GAPVD1: variants seen among roughly 807,000 people sequenced by gnomAD.
GAPVD1 encodes the protein GTPase-activating protein and VPS9 domain-containing protein 1.
In GAPVD1, 35 loss-of-function variants were observed where a neutral mutation model predicts 155.5. The ratio of observed to expected loss-of-function variants is 0.23; its 90% confidence interval spans 0.17 to 0.30. The LOEUF (loss-of-function observed/expected upper bound fraction) is 0.30, where lower values mean the gene tolerates loss of function less well. Ranked by LOEUF, GAPVD1 falls within the 10% of genes least tolerant of loss-of-function variation. The pLI is 1.00. For missense variants in GAPVD1, 1,429 were observed against 1,775.7 expected, an observed-to-expected ratio of 0.80 and a Z score of 3.51; for synonymous variants, 636 against 619.7, an observed-to-expected ratio of 1.03 and a Z score of -0.39.
chr9:125,288,780 T>C (rs75834725), intron 2 of GAPVD1, among the ~76,000 whole-genome samples: 2,836 of 152,310 alleles, frequency 0.019, 54 homozygotes, highest in Non-Finnish European at 0.026. Flanking sequence ...CAAAAATCTC[T>C]TTTCTTATGG....
rs1203342802 is a variant in GAPVD1 at position 125,366,056 on chromosome 9, C to T, written c.*3310C>T. 6.6e-6 allele frequency: 1 copy of T among 152,176 alleles called. No homozygotes were observed. The highest frequency in any genetic ancestry group is 1.5e-5 in the Non-Finnish European group (1 of 68,030). The allele number at this position is 152,176 out of a possible 1,614,324, so 9.4% of individuals were successfully genotyped here. A position where few individuals can be genotyped will look rare whatever the true frequency, so the allele number is the denominator to read the frequency against. On this transcript the variant is annotated 3_prime_UTR_variant, in exon 28 of 28. Transcript: ENST00000297933. The stretch of plus-strand genomic sequence containing the variant: ...TCTGCTTTTTCTTTATAAAAACCTG[C>T]TTATGAAGGCCTTCTGATACAGATA...
intron 5 of GAPVD1, among the ~76,000 whole-genome samples, chr9:125,303,590 A>G (rs1012430845): frequency 1.3e-5 from 2 of 151,966 alleles, no homozygotes; most frequent in African/African-American, 4.8e-5. Flanking sequence ...CAACCTGACC[A>G]ACATGGAGAA....
chr9:125,328,287 A>G (rs1440526900), intron 12 of GAPVD1, among the ~76,000 whole-genome samples: 1 of 136,906 alleles, frequency 7.3e-6, no homozygotes, highest in African/African-American at 2.8e-5. Context: ...AGTGGAGGGA[A>G]GGTCAGCAGA....
intron 9 of GAPVD1, among the ~76,000 whole-genome samples, chr9:125,317,639 AAAAG>A (rs1843653685): frequency 6.6e-6 from 1 of 151,300 alleles, no homozygotes; most frequent in East Asian, 1.9e-4. Context: ...AAAAAAAAAA[AAAAG>A]AAAAGAAAGA....
intron 2 of GAPVD1, among the ~76,000 whole-genome samples, chr9:125,272,813 A>G (rs1249359405): frequency 6.6e-6 from 1 of 152,216 alleles, no homozygotes; most frequent in Non-Finnish European, 1.5e-5. Flanking sequence ...TGAAATGTAC[A>G]TGACAGCCCT....
chr9:125,279,426 C>G (rs1221759925), intron 2 of GAPVD1, among the ~76,000 whole-genome samples: 1 of 151,784 alleles, frequency 6.6e-6, no homozygotes, highest in African/African-American at 2.4e-5. Context: ...AAAAAATTAT[C>G]TGGGTGTGGT....
intron 2 of GAPVD1, among the ~76,000 whole-genome samples, chr9:125,285,651 G>C (rs1049116385): frequency 5.3e-5 from 8 of 151,480 alleles, no homozygotes; most frequent in African/African-American, 1.5e-4. Flanking sequence ...GTTAGAGATG[G>C]TGTTTTGCCA....
At chr9:125,287,569 A>G (rs1837907634) in intron 2 of GAPVD1, among the ~76,000 whole-genome samples, 1 of 152,180 alleles carries the variant, frequency 6.6e-6, no homozygotes, top group Non-Finnish European at 1.5e-5. Context: ...AAGTTTATGT[A>G]GGGAAATAGC....
At position 125,366,669 on chromosome 9, in the gene GAPVD1, G is replaced by A. The variant is rs1395166002; in HGVS notation, c.*3923G>A. ...TTAGTAAGTGGATTAACAGTGATGA[G>A]GTATTTGCGATTACTTTAAATGCCA... On this transcript the variant is annotated 3_prime_UTR_variant, in exon 28 of 28. Coordinates refer to ENST00000297933, the MANE Select transcript of GAPVD1 (RefSeq NM_001282680.3). The A allele has an allele frequency of 6.6e-6, 1 of 152,174 alleles. No individual in the cohort carries two copies. The highest frequency in any genetic ancestry group is 1.5e-5 in the Non-Finnish European group (1 of 68,040). 9.4% of individuals were successfully genotyped at this position (152,174 alleles called of 1,614,324 possible).
chr9:125,319,601 C>G (rs1238310033), intron 9 of GAPVD1, among the ~76,000 whole-genome samples: 3 of 121,516 alleles, frequency 2.5e-5, no homozygotes, highest in Non-Finnish European at 5.3e-5. Flanking sequence ...GAAAAAAAAA[C>G]TTTTTTTTTT....
At chr9:125,312,676 A>T in intron 9 of GAPVD1, 64 bp downstream of exon 9, 1 of 1,222,100 alleles carries the variant, frequency 8.2e-7, no homozygotes, top group South Asian at 1.6e-5. Flanking sequence ...TGCTGTAACA[A>T]AACACCAGAG....
intron 17 of GAPVD1, among the ~76,000 whole-genome samples, chr9:125,340,789 G>A (rs1195718014): frequency 6.6e-6 from 1 of 152,142 alleles, no homozygotes; most frequent in Admixed American, 6.5e-5. Context: ...GTAAACTACC[G>A]TGCTCCAAAA....
intron 2 of GAPVD1, among the ~76,000 whole-genome samples, chr9:125,279,805 G>A (rs548007341): frequency 5.5e-4 from 83 of 149,974 alleles, no homozygotes; most frequent in African/African-American, 1.9e-3. Flanking sequence ...GCGATGTTCA[G>A]GCTGGAGTAC....
At chr9:125,328,188 CTTTT>C (rs1243246612) in intron 12 of GAPVD1, among the ~76,000 whole-genome samples, 1 of 110,996 alleles carries the variant, frequency 9.0e-6, no homozygotes, top group Non-Finnish European at 2.0e-5. Context: ...AAATAGATTT[CTTTT>C]TTTTTTTTTT....
chr9:125,279,373 A>G (rs1371844740), intron 2 of GAPVD1, among the ~76,000 whole-genome samples: 1 of 151,456 alleles, frequency 6.6e-6, no homozygotes, highest in East Asian at 2.0e-4. Context: ...GAGTTTGAGA[A>G]CAGCCTGGCC....
chr9:125,264,098 A>G (rs528087685), intron 1 of GAPVD1: 36 of 768,040 alleles, frequency 4.7e-5, no homozygotes, highest in Non-Finnish European at 7.3e-5. Flanking sequence ...CTTTAGAAGA[A>G]CATTTGAATC....
At position 125,337,529 on chromosome 9, in the gene GAPVD1, T is replaced by A. The variant is rs369411242; in HGVS notation, c.2815T>A (p.Ser939Thr). 30 of 1,613,878 alleles carry A rather than the reference T, an allele frequency of 1.9e-5. No homozygotes were observed. Among genetic ancestry groups the A allele is most frequent in the East Asian group, 2.2e-5 (1 of 44,896 alleles). Reference sequence around the variant, plus strand: ...TCCAGCTGCAGCCATTGGTGCTACTTCTTTGGTGGCTGCACCTCATTCATC... The same window carrying A: ...TCCAGCTGCAGCCATTGGTGCTACTACTTTGGTGGCTGCACCTCATTCATC... ...LPPAAAIGAT[S>T]LVAAPHSSSS... Residue 939 changes from serine (S) to threonine (T), a missense_variant, in exon 17 of 28, where the codon TCT becomes ACT. Transcript: ENST00000297933.
chr9:125,336,110 A>G (rs1348845261), intron 15 of GAPVD1, among the ~76,000 whole-genome samples: 3 of 149,902 alleles, frequency 2.0e-5, no homozygotes, highest in African/African-American at 7.4e-5. Flanking sequence ...GCACCACTGC[A>G]CTCCAGCCAG....
intron 2 of GAPVD1, among the ~76,000 whole-genome samples, chr9:125,275,624 G>A (rs193074185): frequency 2.8e-4 from 43 of 152,108 alleles, no homozygotes; most frequent in African/African-American, 8.4e-4. Context: ...TGGCACATAC[G>A]TGTAGTCCCA....
Sources: gnomAD v4.1 joint callset for allele counts (sites outside exome capture counted in the v4.1 genomes callset) on GRCh38, gnomAD v4.1.1 for gene constraint, MANE v1.5 for transcripts, NCBI Gene and HGNC (gene_info 2026-07-23, HGNC 2026-07-21) for gene names.